Variants in PXDNL observed in about 807,000 individuals in gnomAD.
The protein encoded by PXDNL is probable oxidoreductase PXDNL.
In PXDNL, 145 loss-of-function variants were observed where a neutral mutation model predicts 150.8. That is an observed-to-expected ratio of 0.96 (90% CI 0.84 to 1.10). The LOEUF (loss-of-function observed/expected upper bound fraction) is 1.10, where lower values mean the gene tolerates loss of function less well. PXDNL is among the 50% of genes least tolerant of loss of function. The pLI is 0.00. For missense variants in PXDNL, 2,087 were observed against 1,873.9 expected, an observed-to-expected ratio of 1.11 and a Z score of -2.10; for synonymous variants, 757 against 725.7, an observed-to-expected ratio of 1.04 and a Z score of -0.69.
intron 1 of PXDNL, among the ~76,000 whole-genome samples, chr8:51,764,845 T>C (rs2037210430): frequency 6.6e-6 from 1 of 152,188 alleles, no homozygotes; most frequent in South Asian, 2.1e-4. Context: ...GTTGTTCAAG[T>C]TTTCTATTTA....
intron 1 of PXDNL, among the ~76,000 whole-genome samples, chr8:51,743,939 G>GGAAGGA (rs2036934997): frequency 3.6e-5 from 1 of 27,658 alleles, no homozygotes; most frequent in African/African-American, 6.4e-5. Flanking sequence ...AAGGAAGGAA[G>GGAAGGA]GAGAGAAAGA....
At chr8:51,460,622 C>A (rs1018130531) in intron 8 of PXDNL, among the ~76,000 whole-genome samples, 14 of 151,456 alleles carry the variant, frequency 9.2e-5, no homozygotes, top group Non-Finnish European at 1.8e-4. Context: ...AGTGCCAAGA[C>A]CCGTTCCTAG....
At chr8:51,496,389 T>G (rs1281116610) in intron 5 of PXDNL, among the ~76,000 whole-genome samples, 1 of 152,192 alleles carries the variant, frequency 6.6e-6, no homozygotes, top group Non-Finnish European at 1.5e-5. Context: ...ATGCCCTCTC[T>G]CACCACTCCT....
Position 51,484,590 on chromosome 8 carries a change from C to T in PXDNL, c.453-876G>A, listed in dbSNP as rs192895488. 3.1e-3 allele frequency among the ~76,000 whole-genome samples: 471 copies of T among 152,298 alleles called. 2 individuals are homozygous for T. Among genetic ancestry groups the T allele is most frequent in the Middle Eastern group, 0.01 (3 of 294 alleles). The stretch of plus-strand genomic sequence containing the variant: ...GCACAGTTTTGCTGATCCAGAGTCC[C>T]GTTGGGTGCTGCTATGGTTACTGCT... On this transcript the variant is annotated intron_variant, in intron 5 of 22. Coordinates refer to ENST00000356297, the MANE Select transcript of PXDNL (RefSeq NM_144651.5).
At position 51,556,558 on chromosome 8, in the gene PXDNL, T is replaced by C. The variant is rs76034327; in HGVS notation, c.380+282A>G. On this transcript the variant is annotated intron_variant, in intron 4 of 22. Coordinates refer to ENST00000356297, the MANE Select transcript of PXDNL (RefSeq NM_144651.5). ...CATGCACCACGGAAATATGTGCATTTCAGGATTTGGAAACAAAGGTTCACG... is the reference window on the plus strand; with the variant it reads ...CATGCACCACGGAAATATGTGCATTCCAGGATTTGGAAACAAAGGTTCACG... Among the ~76,000 whole-genome samples, 1,318 of 152,306 alleles carry C rather than the reference T, an allele frequency of 8.7e-3. 9 individuals carry two copies. The highest frequency in any genetic ancestry group is 0.014 in the South Asian group (67 of 4,826).
chr8:51,605,755 GC>G (rs1813826572), intron 2 of PXDNL, among the ~76,000 whole-genome samples: 3 of 152,166 alleles, frequency 2.0e-5, no homozygotes. Flanking sequence ...TGAGGGCCCT[GC>G]CCTCATGAAT....
At chr8:51,648,004 T>C (rs1814958502) in intron 2 of PXDNL, among the ~76,000 whole-genome samples, 1 of 152,226 alleles carries the variant, frequency 6.6e-6, no homozygotes, top group African/African-American at 2.4e-5. Context: ...ATATAACGTT[T>C]GCTTTTATGG....
intron 3 of PXDNL, among the ~76,000 whole-genome samples, chr8:51,588,486 G>T (rs1467515916): frequency 6.6e-6 from 1 of 152,164 alleles, no homozygotes; most frequent in Non-Finnish European, 1.5e-5. Context: ...GCATTGATTA[G>T]AAGTTGTGTG....
intron 12 of PXDNL, among the ~76,000 whole-genome samples, chr8:51,446,187 G>A (rs945459202): frequency 5.3e-5 from 8 of 152,162 alleles, no homozygotes; most frequent in Admixed American, 3.3e-4. Context: ...TCACACCTAC[G>A]TTGATGCATG....
At chr8:51,449,256 G>A in intron 10 of PXDNL, 138 bp from the exon 11 acceptor site, 1 of 586,278 alleles carries the variant, frequency 1.7e-6, no homozygotes, top group Non-Finnish European at 3.0e-6. Flanking sequence ...GTTATAAAGA[G>A]TGTGGAGGTG....
rs551763617 is a variant in PXDNL at position 51,634,057 on chromosome 8, T to C, written c.236+20632A>G. On this transcript the variant is annotated intron_variant, in intron 2 of 22. Transcript: ENST00000356297. ...ACTTAGTCATAAATTATTTCCCAAG[T>C]CCAGCATCCAGAATGGTATTTCCTA... Among the ~76,000 whole-genome samples the C allele has an allele frequency of 6.6e-3, 1,002 of 152,236 alleles. 10 individuals are homozygous for C. Among genetic ancestry groups the C allele is most frequent in the Non-Finnish European group, 0.01 (711 of 67,988 alleles).
intron 21 of PXDNL, among the ~76,000 whole-genome samples, chr8:51,325,770 T>A (rs1375896661): frequency 1.3e-5 from 2 of 152,152 alleles, no homozygotes; most frequent in East Asian, 3.9e-4. Flanking sequence ...CCTACTTGGC[T>A]TTCTCGGACA....
rs185820725 is a variant in PXDNL, at chr8:51,374,899, C to T, written c.3558-168G>A. ...GGGAAAGCACTCAAATGAAGGAACC[C>T]TCAGGGATCACCCCATAGGCAGGAG... On this transcript the variant is annotated intron_variant, in intron 17 of 22. Coordinates refer to ENST00000356297, the MANE Select transcript of PXDNL (RefSeq NM_144651.5). Among the ~76,000 whole-genome samples the T allele has an allele frequency of 9.8e-4, 150 of 152,300 alleles. 2 individuals carry two copies. Among genetic ancestry groups the T allele is most frequent in the Middle Eastern group, 6.8e-3 (2 of 292 alleles).
At chr8:51,725,144 G>A (rs528871470) in intron 1 of PXDNL, among the ~76,000 whole-genome samples, 25 of 152,244 alleles carry the variant, frequency 1.6e-4, no homozygotes, top group South Asian at 4.2e-4. Context: ...ATAAGGTGCT[G>A]AGAACAAGAT....
At chr8:51,589,909 T>G (rs542261474) in intron 3 of PXDNL, among the ~76,000 whole-genome samples, 64 of 152,256 alleles carry the variant, frequency 4.2e-4, no homozygotes, top group Non-Finnish European at 5.4e-4. Flanking sequence ...AAAGAGGTTA[T>G]CACAGATAGT....
chr8:51,789,667 T>A (rs978759679), intron 1 of PXDNL, among the ~76,000 whole-genome samples: 1 of 152,160 alleles, frequency 6.6e-6, no homozygotes, highest in Admixed American at 6.5e-5. Flanking sequence ...GCCATTATCT[T>A]CTATTTTGCA....
At chr8:51,761,136 G>C (rs1420354033) in intron 1 of PXDNL, among the ~76,000 whole-genome samples, 1 of 150,184 alleles carries the variant, frequency 6.7e-6, no homozygotes, top group Non-Finnish European at 1.5e-5. Context: ...GCCTCCCAAA[G>C]TGCTAGGATT....
intron 2 of PXDNL, among the ~76,000 whole-genome samples, chr8:51,597,872 G>C (rs527865797): frequency 6.6e-6 from 1 of 152,026 alleles, no homozygotes; most frequent in African/African-American, 2.4e-5. Context: ...GTGCCACCAT[G>C]CCTGGCTAAT....
chr8:51,769,907 C>A, intron 1 of PXDNL, among the ~76,000 whole-genome samples: 1 of 152,196 alleles, frequency 6.6e-6, no homozygotes, highest in East Asian at 1.9e-4. Flanking sequence ...GCTGAGACCA[C>A]TGACCCTTCA....
Sources: gnomAD v4.1 joint callset for allele counts (sites outside exome capture counted in the v4.1 genomes callset) on GRCh38, gnomAD v4.1.1 for gene constraint, MANE v1.5 for transcripts, NCBI Gene and HGNC (gene_info 2026-07-23, HGNC 2026-07-21) for gene names.